The following ATP13A5 variants were observed in gnomAD, a reference collection of about 807,000 sequenced individuals.
ATP13A5 encodes the protein probable cation-transporting ATPase 13A5.
Under a neutral mutation model 150.2 loss-of-function variants are expected in ATP13A5, and 149 were observed. The observed-to-expected ratio is 0.99, with a 90% confidence interval of 0.87 to 1.14. ATP13A5 has a LOEUF of 1.14. Ranked by LOEUF, ATP13A5 falls within the 50% of genes most tolerant of loss-of-function variation. The probability of loss-of-function intolerance (pLI) is 0.00; values close to 1 mark genes in which losing one functional copy is unlikely to be tolerated. For missense variants in ATP13A5, 1,383 were observed against 1,449.3 expected (o/e 0.95, Z 0.74); for synonymous variants, 497 against 522.2 (o/e 0.95, Z 0.66).
intron 7 of ATP13A5, 53 bp from the exon 8 acceptor site, chr3:193,345,128 C>T (rs2108885996): frequency 6.7e-7 from 1 of 1,499,970 alleles, no homozygotes; most frequent in Non-Finnish European, 9.3e-7. Context: ...TTCTGAAAAC[C>T]ACATGATCTC....
intron 27 of ATP13A5, 56 bp downstream of exon 27, chr3:193,284,858 G>A: frequency 7.2e-7 from 1 of 1,389,904 alleles, no homozygotes; most frequent in Non-Finnish European, 9.9e-7. Flanking sequence ...CAACTCTAGG[G>A]TGAGAAAGGG....
intron 1 of ATP13A5, among the ~76,000 whole-genome samples, chr3:193,373,090 A>G (rs1173195711): frequency 1.3e-5 from 2 of 152,202 alleles, no homozygotes; most frequent in East Asian, 3.8e-4. Flanking sequence ...TGTAAGATAC[A>G]TTACATTGTA....
At chr3:193,338,124 G>A (rs866118531) in intron 9 of ATP13A5, among the ~76,000 whole-genome samples, 1 of 152,186 alleles carries the variant, frequency 6.6e-6, no homozygotes, top group South Asian at 2.1e-4. Flanking sequence ...AGCTTAAGGA[G>A]ATTTTGTGCT....
intron 7 of ATP13A5, among the ~76,000 whole-genome samples, chr3:193,346,313 AAAGTGGAG>A (rs1236800901): frequency 6.6e-6 from 1 of 152,176 alleles, no homozygotes; most frequent in Non-Finnish European, 1.5e-5. Context: ...GACTCTGTGA[AAAGTGGAG>A]AAAATGGAAG....
chr3:193,302,180 C>T (rs1312286352), intron 23 of ATP13A5, among the ~76,000 whole-genome samples: 1 of 152,032 alleles, frequency 6.6e-6, no homozygotes, highest in East Asian at 1.9e-4. Context: ...CTGCTCTGCT[C>T]AAAGATGTGG....
intron 17 of ATP13A5, among the ~76,000 whole-genome samples, chr3:193,315,552 G>C (rs1052381827): frequency 6.6e-6 from 1 of 152,120 alleles, no homozygotes; most frequent in East Asian, 1.9e-4. Context: ...CTGTCGCCTT[G>C]AATAATATTT....
At chr3:193,293,247 AC>A (rs1237036864) in intron 25 of ATP13A5, among the ~76,000 whole-genome samples, 1 of 152,132 alleles carries the variant, frequency 6.6e-6, no homozygotes, top group African/African-American at 2.4e-5. Context: ...GGACAGTAGT[AC>A]CATTTATGAG....
intron 24 of ATP13A5, among the ~76,000 whole-genome samples, 190 bp from the exon 25 acceptor site, chr3:193,299,393 C>G (rs945520977): frequency 1.3e-5 from 2 of 152,146 alleles, no homozygotes; most frequent in African/African-American, 2.4e-5. Context: ...ATTTTCCCTG[C>G]ATTTAACCTA....
chr3:193,359,803 ATG>A (rs560549363), intron 5 of ATP13A5, among the ~76,000 whole-genome samples: 17 of 149,800 alleles, frequency 1.1e-4, no homozygotes, highest in African/African-American at 2.0e-4. Context: ...GTGTGTGTGC[ATG>A]TGTGTGTGTG....
At position 193,362,456 on chromosome 3, in the gene ATP13A5, A is replaced by G. The variant is rs751632046; in HGVS notation, c.461T>C (p.Leu154Pro). 6.2e-7 allele frequency: 1 copy of G among 1,614,138 alleles called. No homozygotes were observed. The highest frequency in any genetic ancestry group is 8.5e-7 in the Non-Finnish European group (1 of 1,179,978). ...LEKRFQKVGL[L>P]EDSNSCSDIH... ...GTCAGAGCAGGAATTGCTGTCTTCTAGCAACCTAGGATGTATTCAGGATAG... is the reference window on the plus strand; with the variant it reads ...GTCAGAGCAGGAATTGCTGTCTTCTGGCAACCTAGGATGTATTCAGGATAG... Residue 154 changes from leucine to proline, a missense_variant, in exon 5 of 30, where the codon CTA becomes CCA. Around this residue, in one of 3 missense-constraint regions of ATP13A5, gnomAD observed 787 missense variants for 771.9 expected, o/e 1.02. Coordinates refer to ENST00000342358, the MANE Select transcript of ATP13A5 (RefSeq NM_198505.4).
rs34283116 is a variant in ATP13A5 at position 193,333,766 on chromosome 3, AC to A, written c.1255del (p.Val419TyrfsTer13). On this transcript the variant is annotated frameshift_variant, in exon 11 of 30. Coordinates refer to ENST00000342358, the MANE Select transcript of ATP13A5 (RefSeq NM_198505.4). LOFTEE classifies it high-confidence loss of function. ...GVMGFFYALG[V>X]YMYHGVPPKD... ...AGTACTTACTCCATGGTACATATATACCCCTAGGGCATAGAAAAAACCCATG... is the reference window on the plus strand; with the variant it reads ...AGTACTTACTCCATGGTACATATATACCCTAGGGCATAGAAAAAACCCATG... The A allele has an allele frequency of 1.9e-6, 3 of 1,613,648 alleles. No homozygotes were observed. Among genetic ancestry groups the A allele is most frequent in the Non-Finnish European group, 2.5e-6 (3 of 1,179,734 alleles).
At chr3:193,276,023 A>G (rs1416676922) in intron 29 of ATP13A5, among the ~76,000 whole-genome samples, 1 of 152,218 alleles carries the variant, frequency 6.6e-6, no homozygotes, top group Non-Finnish European at 1.5e-5. Flanking sequence ...TTGCCACTGT[A>G]GATAATATTA....
chr3:193,276,818 TG>T lies in ATP13A5; in HGVS notation c.3327del (p.Ile1110Ter). 1 of 1,613,448 alleles carries T rather than the reference TG, an allele frequency of 6.2e-7. No individual in the cohort carries two copies. Among genetic ancestry groups the T allele is most frequent in the East Asian group, 2.2e-5 (1 of 44,852 alleles). On this transcript the variant is annotated frameshift_variant, in exon 29 of 30. Transcript: ENST00000342358. LOFTEE classifies it high-confidence loss of function. ...AAAATTAAAACCCTCCACGATGTTA[TG>T]GTTGGGATCAACTGTTGAAAAACAA... ...VIYRGMELIP[T>X]ITSWRVLILV... is the part of the protein sequence containing the mutation.
At chr3:193,332,441 A>C (rs754608150) in intron 11 of ATP13A5, among the ~76,000 whole-genome samples, 21 of 152,202 alleles carry the variant, frequency 1.4e-4, no homozygotes, top group Non-Finnish European at 2.9e-5. Flanking sequence ...AGGTCAAATC[A>C]CAGGGTTGAC....
chr3:193,298,829 TA>T (rs564540645), intron 25 of ATP13A5, among the ~76,000 whole-genome samples: 76 of 152,154 alleles, frequency 5.0e-4, no homozygotes, highest in Non-Finnish European at 5.4e-4. Context: ...CTTTGGGTTT[TA>T]AAAAATTCCC....
intron 1 of ATP13A5, among the ~76,000 whole-genome samples, chr3:193,370,982 C>T (rs1713418400): frequency 6.6e-6 from 1 of 152,192 alleles, no homozygotes; most frequent in Admixed American, 6.5e-5. Context: ...CCCATAATTT[C>T]AGCTGGCACT....
intron 22 of ATP13A5, among the ~76,000 whole-genome samples, chr3:193,306,337 G>T (rs2108845753): frequency 6.6e-6 from 1 of 152,090 alleles, no homozygotes; most frequent in African/African-American, 2.4e-5. Context: ...GAACTCTTTA[G>T]GAGGCAGAGA....
rs1717875803 is a variant in ATP13A5, at chr3:193,289,867, C to T, written c.3023+18G>A. 6.4e-7 allele frequency: 1 copy of T among 1,559,520 alleles called. No homozygotes were observed. Among genetic ancestry groups the T allele is most frequent in the Non-Finnish European group, 8.7e-7 (1 of 1,153,962 alleles). Reference sequence around the variant, plus strand: ...ATTAAATTACCTTTCGAAAGCAGCACTAAGAAAATGAACTTACCTGTATTG... The same window carrying T: ...ATTAAATTACCTTTCGAAAGCAGCATTAAGAAAATGAACTTACCTGTATTG... On this transcript the variant is annotated intron_variant, in intron 26 of 29. Coordinates refer to ENST00000342358, the MANE Select transcript of ATP13A5 (RefSeq NM_198505.4).
chr3:193,334,587 C>G (rs1711773756), intron 10 of ATP13A5, among the ~76,000 whole-genome samples: 1 of 152,156 alleles, frequency 6.6e-6, no homozygotes. Flanking sequence ...AGGAAAAAAT[C>G]CTCATAGTCG....
Sources: allele counts gnomAD v4.1 joint callset (sites outside exome capture counted in the v4.1 genomes callset), GRCh38; gene constraint gnomAD v4.1.1; regional missense constraint gnomAD v4.1.1; transcripts MANE v1.5; gene names NCBI Gene and HGNC (gene_info 2026-07-23, HGNC 2026-07-21).